Variants in VPS54 observed in about 807,000 individuals in gnomAD.
VPS54 encodes VPS54 subunit of GARP complex, also known as vacuolar protein sorting-associated protein 54.
Under a neutral mutation model 121.5 loss-of-function variants are expected in VPS54, and 45 were observed. The observed-to-expected ratio is 0.37, with a 90% CI of 0.29 to 0.47. VPS54 has a LOEUF of 0.47. Ranked by LOEUF, VPS54 falls within the 20% of genes least tolerant of loss-of-function variation. VPS54 has a pLI of 0.99. For missense variants in VPS54, 1,090 were observed against 1,131.4 expected (o/e 0.96, Z 0.52); for synonymous variants, 371 against 385.8 (o/e 0.96, Z 0.45).
chr2:63,989,973 A>G (rs1233389800), intron 1 of VPS54, among the ~76,000 whole-genome samples: 2 of 152,214 alleles, frequency 1.3e-5, no homozygotes, highest in African/African-American at 4.8e-5. Flanking sequence ...ACCATATGTA[A>G]AAGTATGGGA....
intron 14 of VPS54, among the ~76,000 whole-genome samples, 176 bp downstream of exon 14, chr2:63,920,270 C>T (rs1472737920): frequency 2.0e-5 from 3 of 152,066 alleles, no homozygotes; most frequent in Non-Finnish European, 4.4e-5. Context: ...AGTAAACATT[C>T]TAACTCCACT....
chr2:63,971,165 T>C (rs1676270169), intron 4 of VPS54, among the ~76,000 whole-genome samples: 1 of 152,206 alleles, frequency 6.6e-6, no homozygotes, highest in Non-Finnish European at 1.5e-5. Flanking sequence ...TGTCTCAATC[T>C]CTGAGTTACT....
chr2:63,916,966 A>G lies in VPS54; in HGVS notation c.2165-3T>C, dbSNP rs922386546. Reference sequence around the variant, plus strand: ...AGCTGGTTTCCTTTCTTCTGTGGCTACAGAGTTAAGCAAATAAACGAGAGA... The same window carrying G: ...AGCTGGTTTCCTTTCTTCTGTGGCTGCAGAGTTAAGCAAATAAACGAGAGA... On this transcript the variant is annotated splice_polypyrimidine_tract_variant and splice_region_variant and intron_variant, in intron 15 of 22. Transcript: ENST00000272322. The G allele has an allele frequency of 1.2e-6, 2 of 1,613,320 alleles. No individual in the cohort carries two copies. The highest frequency in any genetic ancestry group is 1.7e-6 in the Non-Finnish European group (2 of 1,179,568).
At chr2:63,895,177 CGGGTG>C (rs1672395208) in intron 22 of VPS54, among the ~76,000 whole-genome samples, 1 of 152,018 alleles carries the variant, frequency 6.6e-6, no homozygotes, top group Non-Finnish European at 1.5e-5. Context: ...AGAGCTGGGC[CGGGTG>C]CAGTGGCTCA....
chr2:63,951,700 T>G (rs1675253257), intron 7 of VPS54, among the ~76,000 whole-genome samples: 1 of 152,188 alleles, frequency 6.6e-6, no homozygotes, highest in South Asian at 2.1e-4. Context: ...AATAGACTAG[T>G]ACCTACATAT....
chr2:63,985,678 TATACACACAC>T (rs1559040450), intron 1 of VPS54, among the ~76,000 whole-genome samples: 1 of 101,696 alleles, frequency 9.8e-6, no homozygotes. Context: ...AGTGACAAAT[TATACACACAC>T]ACACACACAC....
intron 1 of VPS54, among the ~76,000 whole-genome samples, chr2:64,013,642 CAATATATAGATATATATT>C (rs1454666485): frequency 7.2e-6 from 1 of 138,600 alleles, no homozygotes; most frequent in East Asian, 2.0e-4. Flanking sequence ...AAATATATAT[CAATATATAGATATATATT>C]GATATATATA....
intron 2 of VPS54, 30 bp downstream of exon 2, chr2:63,983,834 T>A (rs1354643437): frequency 1.3e-6 from 2 of 1,570,446 alleles, no homozygotes; most frequent in African/African-American, 1.4e-5. Flanking sequence ...AAATCATCAG[T>A]AAAAATCCTA....
intron 20 of VPS54, among the ~76,000 whole-genome samples, chr2:63,906,339 A>C (rs1055573940): frequency 2.0e-5 from 3 of 152,238 alleles, no homozygotes; most frequent in African/African-American, 4.8e-5. Flanking sequence ...CAGGACACAA[A>C]GTTAATATAG....
chr2:64,007,804 C>T (rs867166002), intron 1 of VPS54, among the ~76,000 whole-genome samples: 5 of 152,126 alleles, frequency 3.3e-5, no homozygotes, highest in Admixed American at 6.5e-5. Context: ...CATCCTTACA[C>T]AGGGAAGATG....
intron 3 of VPS54, among the ~76,000 whole-genome samples, 157 bp from the exon 4 acceptor site, chr2:63,972,401 C>T (rs779195165): frequency 3.3e-5 from 5 of 152,118 alleles, no homozygotes; most frequent in Non-Finnish European, 5.9e-5. Context: ...AAGTAACAAG[C>T]GGTTAATAAA....
intron 6 of VPS54, among the ~76,000 whole-genome samples, chr2:63,963,412 A>C (rs892145702): frequency 6.6e-6 from 1 of 151,874 alleles, no homozygotes; most frequent in Non-Finnish European, 1.5e-5. Context: ...TTATCTTTCC[A>C]TTATTCACCC....
intron 20 of VPS54, among the ~76,000 whole-genome samples, chr2:63,910,893 T>G (rs568894919): frequency 6.2e-4 from 94 of 152,306 alleles, no homozygotes; most frequent in Non-Finnish European, 1.2e-3. Flanking sequence ...CCACAGCCTA[T>G]TAATTGTTCC....
chr2:64,018,574 G>A (rs1559063578), intron 1 of VPS54, among the ~76,000 whole-genome samples: 1 of 151,992 alleles, frequency 6.6e-6, no homozygotes, highest in South Asian at 2.1e-4. Context: ...TAGGACTAAG[G>A]GCCTGGCTGG....
chr2:64,006,800 G>A (rs1295399123), intron 1 of VPS54, among the ~76,000 whole-genome samples: 1 of 151,906 alleles, frequency 6.6e-6, no homozygotes, highest in Middle Eastern at 3.2e-3. Context: ...TGTAATTTTA[G>A]TAGAGACAGG....
In VPS54 at chr2:64,019,054, G is replaced by A. The variant is rs1483891005; in HGVS notation, c.-137C>T. 2 of 149,724 alleles carry A rather than the reference G, an allele frequency of 1.3e-5. No homozygotes were observed. The highest frequency in any genetic ancestry group is 3.0e-5 in the Non-Finnish European group (2 of 67,172). 9.3% of individuals were successfully genotyped at this position (149,724 alleles called of 1,614,324 possible). A position where few individuals can be genotyped will look rare whatever the true frequency, so the allele number is the denominator to read the frequency against. ...GCCGCCGCCGCCCGGCGCCCGGCCG[G>A]GCCCGAGCCCGGGTTCCCGCCCCCG... On this transcript the variant is annotated 5_prime_UTR_variant, in exon 1 of 23. Coordinates refer to ENST00000272322, the MANE Select transcript of VPS54 (RefSeq NM_016516.3).
chr2:63,912,328 T>C lies in VPS54; in HGVS notation c.2625+17A>G. On this transcript the variant is annotated intron_variant, in intron 20 of 22. Coordinates refer to ENST00000272322, the MANE Select transcript of VPS54 (RefSeq NM_016516.3). ...AATGTCTTTGAACAAAGTCTAATAA[T>C]TTCTATAAATCATTACCTTAGATAA... The C allele has an allele frequency of 6.3e-7, 1 of 1,584,794 alleles. No individual in the cohort carries two copies. Among genetic ancestry groups the C allele is most frequent in the Non-Finnish European group, 8.6e-7 (1 of 1,162,444 alleles).
chr2:64,017,318 C>A (rs1199406115), intron 1 of VPS54, among the ~76,000 whole-genome samples: 44 of 135,076 alleles, frequency 3.3e-4, no homozygotes, highest in Admixed American at 6.5e-4. Flanking sequence ...GCCTGGGCAA[C>A]AGAGCAAGAC....
chr2:63,984,400 C>A (rs1676945041), intron 1 of VPS54, among the ~76,000 whole-genome samples: 1 of 152,206 alleles, frequency 6.6e-6, no homozygotes, highest in Admixed American at 6.5e-5. Context: ...TGTTTACTCA[C>A]TAGTGGTGAG....
Sources: gnomAD v4.1 joint callset for allele counts (sites outside exome capture counted in the v4.1 genomes callset) on GRCh38, gnomAD v4.1.1 for gene constraint, MANE v1.5 for transcripts, NCBI Gene and HGNC (gene_info 2026-07-23, HGNC 2026-07-21) for gene names.